MAP2K6: variants seen among roughly 807,000 people sequenced by gnomAD.
MAP2K6 encodes mitogen-activated protein kinase kinase 6.
Under a neutral mutation model 53.7 loss-of-function variants are expected in MAP2K6, and 16 were observed. That is an observed-to-expected ratio of 0.30 (90% CI 0.20 to 0.45). The LOEUF (loss-of-function observed/expected upper bound fraction) is 0.45, where lower values mean the gene tolerates loss of function less well. Among genes scored for constraint, MAP2K6 ranks in the 20% least tolerant of loss-of-function variants. The pLI, the probability that MAP2K6 is intolerant of heterozygous loss-of-function variation, is 1.00. For synonymous variants in MAP2K6, 132 were observed against 143.1 expected, an observed-to-expected ratio of 0.92 and a Z score of 0.55; for missense variants, 204 against 411.9, an observed-to-expected ratio of 0.50 and a Z score of 4.37.
intron 1 of MAP2K6, among the ~76,000 whole-genome samples, chr17:69,421,087 T>G (rs1398489920): frequency 2.0e-5 from 3 of 152,238 alleles, no homozygotes; most frequent in Non-Finnish European, 4.4e-5. Flanking sequence ...TATAGCATTG[T>G]CCTTATAAAT....
chr17:69,501,425 C>T lies in MAP2K6; in HGVS notation c.17-4355C>T, dbSNP rs147388779. Among the ~76,000 whole-genome samples, 300 of 152,220 alleles carry T rather than the reference C, an allele frequency of 2.0e-3. 2 individuals carry two copies. The highest frequency in any genetic ancestry group is 6.8e-3 in the African/African-American group (282 of 41,512). On this transcript the variant is annotated intron_variant, in intron 1 of 11. Coordinates refer to ENST00000590474, the MANE Select transcript of MAP2K6 (RefSeq NM_002758.4). ...AGTGTGTGCAAGACCTCTCGTGTAC[C>T]CCATCATTTTCGGTGCAGTCAAAGC...
chr17:69,429,828 C>T (rs1906399658), intron 1 of MAP2K6, among the ~76,000 whole-genome samples: 1 of 152,064 alleles, frequency 6.6e-6, no homozygotes, highest in African/African-American at 2.4e-5. Context: ...TTGATGGCAG[C>T]AGGCTTCAAG....
At chr17:69,454,337 G>A (rs181658200) in intron 1 of MAP2K6, among the ~76,000 whole-genome samples, 1 of 152,118 alleles carries the variant, frequency 6.6e-6, no homozygotes, top group South Asian at 2.1e-4. Context: ...GTGTCCGGAG[G>A]GCATAGCCTT....
chr17:69,489,011 A>C (rs1908647952), intron 1 of MAP2K6, among the ~76,000 whole-genome samples: 1 of 152,134 alleles, frequency 6.6e-6, no homozygotes, highest in Non-Finnish European at 1.5e-5. Flanking sequence ...ACCTGAGGTC[A>C]GGAGTTCGAG....
intron 1 of MAP2K6, among the ~76,000 whole-genome samples, chr17:69,423,324 T>G (rs780518750): frequency 1.8e-4 from 28 of 152,194 alleles, no homozygotes; most frequent in Non-Finnish European, 3.5e-4. Flanking sequence ...AACAAAGTTT[T>G]ATTGGAACAC....
At chr17:69,451,456 A>G (rs1040622109) in intron 1 of MAP2K6, among the ~76,000 whole-genome samples, 2 of 152,196 alleles carry the variant, frequency 1.3e-5, no homozygotes, top group Non-Finnish European at 2.9e-5. Context: ...GTGAATGTGG[A>G]AAGGTTGGCA....
At chr17:69,495,099 A>T (rs1346507810) in intron 1 of MAP2K6, among the ~76,000 whole-genome samples, 3 of 18,936 alleles carry the variant, frequency 1.6e-4, no homozygotes, top group Non-Finnish European at 3.3e-4. Context: ...ACTTCCACAT[A>T]AAAAAAAAAA....
At chr17:69,520,981 G>A in intron 6 of MAP2K6, 68 bp from the exon 7 acceptor site, 1 of 1,273,324 alleles carries the variant, frequency 7.9e-7, no homozygotes. Flanking sequence ...AATAAACCTT[G>A]ATATACTTAA....
At chr17:69,474,517 C>G (rs976348524) in intron 1 of MAP2K6, among the ~76,000 whole-genome samples, 1 of 152,228 alleles carries the variant, frequency 6.6e-6, no homozygotes, top group African/African-American at 2.4e-5. Flanking sequence ...AAGAGCCACA[C>G]CCAAAAGCAC....
intron 4 of MAP2K6, among the ~76,000 whole-genome samples, chr17:69,518,588 A>G (rs1910295991): frequency 6.6e-6 from 1 of 152,218 alleles, no homozygotes; most frequent in Non-Finnish European, 1.5e-5. Context: ...TAGCTGAGTT[A>G]ATAGATTGGG....
chr17:69,423,544 C>A (rs1353232539), intron 1 of MAP2K6, among the ~76,000 whole-genome samples: 1 of 152,184 alleles, frequency 6.6e-6, no homozygotes, highest in East Asian at 1.9e-4. Flanking sequence ...CAGAAACATT[C>A]CTCTCTGGCT....
At chr17:69,523,891 T>C (rs576002938) in intron 8 of MAP2K6, among the ~76,000 whole-genome samples, 1 of 152,320 alleles carries the variant, frequency 6.6e-6, no homozygotes, top group African/African-American at 2.4e-5. Context: ...AACAGAAATT[T>C]ATCTCTCACA....
chr17:69,538,252 G>T (rs1911450107), intron 11 of MAP2K6, among the ~76,000 whole-genome samples: 1 of 152,136 alleles, frequency 6.6e-6, no homozygotes, highest in Non-Finnish European at 1.5e-5. Flanking sequence ...TCTTCCAAAT[G>T]GTTTCGGATC....
Position 69,542,343 on chromosome 17 carries a change from A to G in MAP2K6, c.*590A>G, listed in dbSNP as rs985315753. The G allele has an allele frequency of 6.6e-6, 1 of 152,622 alleles. No individual in the cohort carries two copies. The highest frequency in any genetic ancestry group is 1.5e-5 in the Non-Finnish European group (1 of 68,026). 9.5% of individuals were successfully genotyped at this position (152,622 alleles called of 1,614,324 possible). A position where few individuals can be genotyped will look rare whatever the true frequency, so the allele number is the denominator to read the frequency against. On this transcript the variant is annotated 3_prime_UTR_variant, in exon 12 of 12. Coordinates refer to ENST00000590474, the MANE Select transcript of MAP2K6 (RefSeq NM_002758.4). Reference sequence around the variant, plus strand: ...TATCAAAAAGGAGCTCTTCTTGTGAAATGTCTGTTCCAGCTGTTGTGACTG... The same window carrying G: ...TATCAAAAAGGAGCTCTTCTTGTGAGATGTCTGTTCCAGCTGTTGTGACTG...
At chr17:69,440,121 C>T (rs1422325565) in intron 1 of MAP2K6, among the ~76,000 whole-genome samples, 1 of 151,902 alleles carries the variant, frequency 6.6e-6, no homozygotes, top group Non-Finnish European at 1.5e-5. Flanking sequence ...GATCTCGGCT[C>T]ACTGCAACTT....
intron 11 of MAP2K6, among the ~76,000 whole-genome samples, chr17:69,541,414 G>A (rs773956908): frequency 5.3e-5 from 8 of 151,740 alleles, no homozygotes; most frequent in Non-Finnish European, 7.4e-5. Context: ...TGAGACTTAC[G>A]TAGCATAATT....
At chr17:69,441,006 ATG>A (rs1335477351) in intron 1 of MAP2K6, among the ~76,000 whole-genome samples, 5 of 151,946 alleles carry the variant, frequency 3.3e-5, no homozygotes, top group South Asian at 2.1e-4. Flanking sequence ...GTGTGTGTGT[ATG>A]TGTGTGTGCA....
chr17:69,530,809 T>C (rs1009460482), intron 10 of MAP2K6, among the ~76,000 whole-genome samples: 3 of 152,204 alleles, frequency 2.0e-5, no homozygotes, highest in Admixed American at 6.5e-5. Flanking sequence ...TTCATACATA[T>C]ATTAATATAT....
intron 1 of MAP2K6, among the ~76,000 whole-genome samples, chr17:69,479,887 C>T (rs1487345862): frequency 6.6e-6 from 1 of 151,924 alleles, no homozygotes; most frequent in African/African-American, 2.4e-5. Context: ...CGCACACCAC[C>T]GTGCCTGGCT....
Sources: allele counts gnomAD v4.1 joint callset (sites outside exome capture counted in the v4.1 genomes callset), GRCh38; gene constraint gnomAD v4.1.1; transcripts MANE v1.5; gene names NCBI Gene and HGNC (gene_info 2026-07-23, HGNC 2026-07-21).